Variants in ACTN2 observed in about 807,000 individuals in gnomAD.
ACTN2 encodes alpha-actinin-2.
In ACTN2, 39 loss-of-function variants were observed where a neutral mutation model predicts 113.8. The ratio of observed to expected loss-of-function variants is 0.34; its 90% CI spans 0.27 to 0.45. The LOEUF (loss-of-function observed/expected upper bound fraction) is 0.45. ACTN2 is among the 20% of genes least tolerant of loss of function. The probability of loss-of-function intolerance (pLI) is 1.00; values close to 1 mark genes in which losing one functional copy is unlikely to be tolerated. For missense variants in ACTN2, 992 were observed against 1,177.9 expected (o/e 0.84, Z 2.31); for synonymous variants, 429 against 444.1 (o/e 0.97, Z 0.43).
rs549345485 is a variant in ACTN2 at position 236,743,151 on chromosome 1, G to A, written c.1255+108G>A. The A allele has an allele frequency of 2.1e-4, 280 of 1,345,124 alleles. 1 individual carries two copies. In the African/African-American group the frequency reaches 3.8e-3, roughly 18 times the overall value. 83.3% of individuals were successfully genotyped at this position (1,345,124 alleles called of 1,614,324 possible). Reference sequence around the variant, plus strand: ...TGTGCCTAATGTCTGTGACACTAAAGGTAGGTGTCGTCACCTTTCTCTGCT... The same window carrying A: ...TGTGCCTAATGTCTGTGACACTAAAAGTAGGTGTCGTCACCTTTCTCTGCT... On this transcript the variant is annotated intron_variant, in intron 11 of 20. Coordinates refer to ENST00000366578, the MANE Select transcript of ACTN2 (RefSeq NM_001103.4).
At chr1:236,701,673 A>G (rs1657681712) in intron 1 of ACTN2, among the ~76,000 whole-genome samples, 1 of 152,252 alleles carries the variant, frequency 6.6e-6, no homozygotes, top group Non-Finnish European at 1.5e-5. Context: ...TATTTTACAC[A>G]TCTGCAAAAT....
chr1:236,728,442 C>T (rs1489644704), intron 6 of ACTN2, among the ~76,000 whole-genome samples: 1 of 152,154 alleles, frequency 6.6e-6, no homozygotes, highest in Non-Finnish European at 1.5e-5. Context: ...TGTGCCCGGC[C>T]CATCCAAGCC....
At chr1:236,703,087 C>A (rs1657723684) in intron 1 of ACTN2, among the ~76,000 whole-genome samples, 1 of 152,168 alleles carries the variant, frequency 6.6e-6, no homozygotes, top group Non-Finnish European at 1.5e-5. Flanking sequence ...GAGGAAAGTA[C>A]AATAAATGCT....
chr1:236,686,554 C>T lies in ACTN2; in HGVS notation c.-120C>T. ...CCAGGCGTGTCGCCCCGAGAGGAGC[C>T]GCGCGAAGGTCACCCCGCGCCCGCC... On this transcript the variant is annotated 5_prime_UTR_variant, in exon 1 of 21. Coordinates refer to ENST00000366578, the MANE Select transcript of ACTN2 (RefSeq NM_001103.4). 3 of 1,195,562 alleles carry T rather than the reference C, an allele frequency of 2.5e-6. No homozygotes were observed. Among genetic ancestry groups the T allele is most frequent in the South Asian group, 2.4e-5 (1 of 42,090 alleles). The allele number at this position is 1,195,562 out of a possible 1,614,324, so 74.1% of individuals were successfully genotyped here.
intron 8 of ACTN2, among the ~76,000 whole-genome samples, chr1:236,736,004 A>G (rs1425531752): frequency 6.6e-6 from 1 of 152,232 alleles, no homozygotes; most frequent in Non-Finnish European, 1.5e-5. Flanking sequence ...AAAAAATGCC[A>G]TGAAAATTGA....
chr1:236,724,811 G>T (rs1323625936), intron 4 of ACTN2, among the ~76,000 whole-genome samples: 1 of 150,700 alleles, frequency 6.6e-6, no homozygotes, highest in African/African-American at 2.4e-5. Flanking sequence ...CATTTTTATG[G>T]TCATCACAGA....
intron 5 of ACTN2, 79 bp from the exon 6 acceptor site, chr1:236,727,599 A>G: frequency 6.9e-7 from 1 of 1,458,548 alleles, no homozygotes. Flanking sequence ...AGGAAGGCCA[A>G]CATCTGACTG....
At chr1:236,759,513 C>T (rs1258076905) in intron 18 of ACTN2, among the ~76,000 whole-genome samples, 1 of 152,104 alleles carries the variant, frequency 6.6e-6, no homozygotes, top group Non-Finnish European at 1.5e-5. Context: ...TTTGTCTGGT[C>T]TTTACCCTCC....
chr1:236,718,460 T>C (rs1035762982), intron 2 of ACTN2, among the ~76,000 whole-genome samples: 1 of 152,236 alleles, frequency 6.6e-6, no homozygotes, highest in African/African-American at 2.4e-5. Context: ...GGAAGGATTA[T>C]GGCAGATCTG....
At chr1:236,703,433 CTTTTTTTTTT>C (rs35432183) in intron 1 of ACTN2, among the ~76,000 whole-genome samples, 3 of 98,838 alleles carry the variant, frequency 3.0e-5, no homozygotes, top group African/African-American at 7.8e-5. Flanking sequence ...GGCCTACTAC[CTTTTTTTTTT>C]TTTTTTTTTT....
At chr1:236,760,957 G>T in intron 19 of ACTN2, 58 bp from the exon 20 acceptor site, 1 of 1,608,378 alleles carries the variant, frequency 6.2e-7, no homozygotes, top group Non-Finnish European at 8.5e-7. Context: ...GAATGAAAAC[G>T]GCTCTGTTGA....
intron 6 of ACTN2, among the ~76,000 whole-genome samples, chr1:236,730,136 G>A (rs1658672088): frequency 6.6e-6 from 1 of 152,204 alleles, no homozygotes. Context: ...TCTACCAGAG[G>A]CCACATGGCC....
At chr1:236,699,621 C>G (rs773688009) in intron 1 of ACTN2, among the ~76,000 whole-genome samples, 6 of 152,176 alleles carry the variant, frequency 3.9e-5, no homozygotes, top group Non-Finnish European at 8.8e-5. Flanking sequence ...TTAGAGTTAT[C>G]CTCCTACGGG....
chr1:236,705,614 G>C (rs1423833602), intron 1 of ACTN2, among the ~76,000 whole-genome samples: 1 of 152,338 alleles, frequency 6.6e-6, no homozygotes, highest in South Asian at 2.1e-4. Context: ...TAGATTTGTA[G>C]AAGAGCCTAG....
chr1:236,753,868 G>A, intron 15 of ACTN2, 79 bp from the exon 16 acceptor site: 3 of 601,566 alleles, frequency 5.0e-6, no homozygotes, highest in Non-Finnish European at 8.5e-6. Context: ...CCCACCCCTT[G>A]GACTATTCCC....
At chr1:236,762,232 G>A (rs1409312230) in intron 20 of ACTN2, among the ~76,000 whole-genome samples, 1 of 151,922 alleles carries the variant, frequency 6.6e-6, no homozygotes, top group East Asian at 1.9e-4. Flanking sequence ...TGCTCCATTT[G>A]CCTTTATGAA....
chr1:236,740,043 C>T (rs1425475174), intron 10 of ACTN2, among the ~76,000 whole-genome samples: 3 of 152,192 alleles, frequency 2.0e-5, no homozygotes, highest in Non-Finnish European at 2.9e-5. Context: ...AACTTCTTGG[C>T]TCCCCTTCAC....
chr1:236,717,768 A>G (rs1006517814), intron 1 of ACTN2, 90 bp from the exon 2 acceptor site: 3 of 884,086 alleles, frequency 3.4e-6, no homozygotes, highest in African/African-American at 1.6e-5. Context: ...GTAGATTCCC[A>G]AGAACGTGTA....
chr1:236,736,661 G>C (rs987491909), intron 8 of ACTN2: 1 of 1,525,286 alleles, frequency 6.6e-7, no homozygotes, highest in African/African-American at 1.4e-5. Context: ...GTGAATTCAA[G>C]TGCAATGGTA....
Sources: allele counts gnomAD v4.1 joint callset (sites outside exome capture counted in the v4.1 genomes callset), GRCh38; gene constraint gnomAD v4.1.1; transcripts MANE v1.5; gene names NCBI Gene and HGNC (gene_info 2026-07-23, HGNC 2026-07-21).